The following SGIP1 variants were observed in gnomAD, a reference collection of about 807,000 sequenced individuals.
SGIP1 encodes the protein SH3GL interacting endocytic adaptor 1, also known as SH3-containing GRB2-like protein 3-interacting protein 1.
A neutral mutation model predicts 107.5 loss-of-function variants in SGIP1; 38 were observed. The observed-to-expected ratio is 0.35, with a 90% CI of 0.27 to 0.46. The LOEUF (loss-of-function observed/expected upper bound fraction) is 0.46. SGIP1 is among the 20% of genes least tolerant of loss of function. SGIP1 has a pLI of 1.00. For synonymous variants in SGIP1, 365 were observed against 366.1 expected (o/e 1.00, Z 0.03); for missense variants, 929 against 1,019.5 (o/e 0.91, Z 1.21).
intron 18 of SGIP1, 141 bp downstream of exon 18, chr1:66,695,634 A>G: frequency 1.4e-6 from 1 of 734,658 alleles, no homozygotes; most frequent in Non-Finnish European, 2.1e-6. Flanking sequence ...CTTAGAAAAT[A>G]TTAAACACTA....
intron 1 of SGIP1, among the ~76,000 whole-genome samples, chr1:66,559,703 A>G (rs2058663640): frequency 6.6e-6 from 1 of 152,026 alleles, no homozygotes; most frequent in Non-Finnish European, 1.5e-5. Flanking sequence ...GGCAGAAAGG[A>G]GCTGTCTCTG....
intron 18 of SGIP1, among the ~76,000 whole-genome samples, chr1:66,715,586 T>C (rs1383457761): frequency 1.3e-5 from 2 of 152,108 alleles, no homozygotes; most frequent in Non-Finnish European, 2.9e-5. Context: ...TGTGTTCCAA[T>C]TGCCATCTGC....
intron 1 of SGIP1, among the ~76,000 whole-genome samples, chr1:66,622,211 T>G (rs912006470): frequency 6.6e-6 from 1 of 152,278 alleles, no homozygotes; most frequent in Non-Finnish European, 1.5e-5. Flanking sequence ...TCCAGTTTCC[T>G]TGCTGGGGAT....
At chr1:66,685,306 G>A (rs1307978875) in intron 15 of SGIP1, among the ~76,000 whole-genome samples, 1 of 152,194 alleles carries the variant, frequency 6.6e-6, no homozygotes, top group African/African-American at 2.4e-5. Context: ...ATCAGAAGAG[G>A]TACCTGCTAT....
rs1427500496 is a variant in SGIP1 at position 66,671,831 on chromosome 1, T to G, written c.509-113T>G. 5.2e-6 allele frequency: 5 copies of G among 964,130 alleles called. No individual in the cohort carries two copies. The Admixed American group carries it at 9.0e-5, about 17-fold the overall frequency. 59.7% of individuals were successfully genotyped at this position (964,130 alleles called of 1,614,324 possible). A position where few individuals can be genotyped will look rare whatever the true frequency, so the allele number is the denominator to read the frequency against. On this transcript the variant is annotated intron_variant, in intron 10 of 24. Transcript: ENST00000371037. ...GGTTTGTTTTGCAAAGTTTTCATAC[T>G]GAGTTGCTTATTGATGGGACTTAAA...
At chr1:66,637,927 A>C (rs2076112165) in intron 4 of SGIP1, among the ~76,000 whole-genome samples, 1 of 151,536 alleles carries the variant, frequency 6.6e-6, no homozygotes, top group South Asian at 2.1e-4. Flanking sequence ...CTTGGTTTTT[A>C]AGGGCCTTAG....
Position 66,644,220 on chromosome 1 carries a change from C to T in SGIP1, c.459+501C>T, listed in dbSNP as rs1197518394. Among the ~76,000 whole-genome samples the T allele has an allele frequency of 3.9e-5, 6 of 152,068 alleles. No homozygotes were observed. In the South Asian group the frequency reaches 1.2e-3, roughly 32 times the overall value. On this transcript the variant is annotated intron_variant, in intron 7 of 24. Transcript: ENST00000371037. ...TCTAAATCAAATTTAAAACTCATAT[C>T]CTTCATTCTATTGTATTATCAAATT...
At position 66,690,284 on chromosome 1, in the gene SGIP1, A is replaced by G; in HGVS notation, c.1538A>G (p.Asn513Ser). 6.2e-7 allele frequency: 1 copy of G among 1,614,036 alleles called. No individual in the cohort carries two copies. Among genetic ancestry groups the G allele is most frequent in the Non-Finnish European group, 8.5e-7 (1 of 1,179,978 alleles). ...AESTSSISST[N>S]SLSAATTPTV... is the part of the protein sequence containing the mutation. ...AGCACTTCTTCAATATCGTCAACCA[A>G]TTCCTTGAGCGCAGCCACCACTCCC... The change falls in exon 17 of 25, where the codon AAT (asparagine) becomes AGT (serine). Residue 513 changes from asparagine to serine, a missense_variant. This residue lies in a region of SGIP1 where 341 missense variants were observed against 430.9 expected (regional missense o/e 0.79). Coordinates refer to ENST00000371037, the MANE Select transcript of SGIP1 (RefSeq NM_032291.4).
At chr1:66,610,037 C>T (rs987555681) in intron 1 of SGIP1, among the ~76,000 whole-genome samples, 9 of 152,076 alleles carry the variant, frequency 5.9e-5, no homozygotes, top group Non-Finnish European at 8.8e-5. Flanking sequence ...TTAATCAAAA[C>T]GCTGAGCCAA....
At chr1:66,636,455 C>T (rs1042146949) in intron 4 of SGIP1, among the ~76,000 whole-genome samples, 7 of 152,170 alleles carry the variant, frequency 4.6e-5, no homozygotes, top group African/African-American at 1.4e-4. Flanking sequence ...GACATTGAGT[C>T]GGGGATGCTG....
At chr1:66,679,454 T>A (rs1394651470) in intron 13 of SGIP1, among the ~76,000 whole-genome samples, 3 of 152,210 alleles carry the variant, frequency 2.0e-5, no homozygotes, top group African/African-American at 7.2e-5. Flanking sequence ...ATTATTACTG[T>A]CCAACATTCT....
At chr1:66,742,216 T>C (rs1452557423) in intron 24 of SGIP1, among the ~76,000 whole-genome samples, 1 of 152,080 alleles carries the variant, frequency 6.6e-6, no homozygotes, top group African/African-American at 2.4e-5. Flanking sequence ...AGATCAAAAC[T>C]GGTCACCCAT....
chr1:66,659,954 GAAAGAA>G (rs1557495513), intron 7 of SGIP1, among the ~76,000 whole-genome samples: 1 of 16,412 alleles, frequency 6.1e-5, no homozygotes, highest in African/African-American at 2.1e-4. Context: ...GAAAGAAAAA[GAAAGAA>G]AGAAAGAAAG....
At chr1:66,638,560 T>C (rs2076214077) in intron 4 of SGIP1, among the ~76,000 whole-genome samples, 1 of 152,202 alleles carries the variant, frequency 6.6e-6, no homozygotes, top group Admixed American at 6.5e-5. Flanking sequence ...TTGTAAATTC[T>C]AGTGCAGTGG....
chr1:66,571,833 CT>C (rs150336499), intron 1 of SGIP1, among the ~76,000 whole-genome samples: 8,210 of 152,014 alleles, frequency 0.054, 670 homozygotes, highest in African/African-American at 0.18. Context: ...GACTCCAAGT[CT>C]TTGTGAATCC....
chr1:66,619,754 A>G (rs1319454698), intron 1 of SGIP1, among the ~76,000 whole-genome samples: 1 of 152,200 alleles, frequency 6.6e-6, no homozygotes, highest in Non-Finnish European at 1.5e-5. Flanking sequence ...TCTGGTCCTC[A>G]GTTTCTGCCT....
chr1:66,603,036 A>C (rs1570438698), intron 1 of SGIP1, among the ~76,000 whole-genome samples: 2 of 152,192 alleles, frequency 1.3e-5, no homozygotes, highest in East Asian at 3.9e-4. Flanking sequence ...TATATATTAG[A>C]AGAAAGATAT....
chr1:66,598,523 T>C (rs1486747396), intron 1 of SGIP1, among the ~76,000 whole-genome samples: 1 of 152,184 alleles, frequency 6.6e-6, no homozygotes, highest in East Asian at 1.9e-4. Flanking sequence ...GAGTAGTTTA[T>C]AAAGAAAAGA....
At chr1:66,669,012 C>A (rs911911548) in intron 9 of SGIP1, among the ~76,000 whole-genome samples, 1 of 152,152 alleles carries the variant, frequency 6.6e-6, no homozygotes, top group Admixed American at 6.5e-5. Flanking sequence ...GATCTGTATG[C>A]CCATCCAGCA....
Sources: allele counts gnomAD v4.1 joint callset (sites outside exome capture counted in the v4.1 genomes callset), GRCh38; gene constraint gnomAD v4.1.1; regional missense constraint gnomAD v4.1.1; transcripts MANE v1.5; gene names NCBI Gene and HGNC (gene_info 2026-07-23, HGNC 2026-07-21).